RIMS3: variants seen among roughly 807,000 people sequenced by gnomAD.
RIMS3 encodes regulating synaptic membrane exocytosis protein 3.
Under a neutral mutation model 29.2 loss-of-function variants are expected in RIMS3, and 15 were observed. The ratio of observed to expected loss-of-function variants is 0.51; its 90% CI spans 0.34 to 0.79. The LOEUF (loss-of-function observed/expected upper bound fraction) is 0.79. RIMS3 is among the 30% of genes least tolerant of loss of function. RIMS3 has a pLI of 0.01. For missense variants in RIMS3, 342 were observed against 421.4 expected, an observed-to-expected ratio of 0.81 and a Z score of 1.65; for synonymous variants, 161 against 170.1, an observed-to-expected ratio of 0.95 and a Z score of 0.41.
intron 1 of RIMS3, among the ~76,000 whole-genome samples, chr1:40,651,577 G>A (rs77060218): frequency 0.025 from 3,806 of 152,206 alleles, 70 homozygotes; most frequent in Middle Eastern, 0.061. Context: ...AACTTGTTCC[G>A]TACTTGTCTC....
the RIMS3 span, among the ~76,000 whole-genome samples, chr1:40,675,810 C>T: frequency 2.7e-5 from 4 of 150,746 alleles, no homozygotes; most frequent in African/African-American, 7.3e-5. Flanking sequence ...TGCCTGTAGT[C>T]CCAGCTACTT....
rs760875656 is a variant in RIMS3, at chr1:40,626,558, G to C, written c.886C>G (p.Gln296Glu). The C allele has an allele frequency of 6.2e-7, 1 of 1,613,020 alleles. No individual in the cohort carries two copies. Among genetic ancestry groups the C allele is most frequent in the Non-Finnish European group, 8.5e-7 (1 of 1,179,608 alleles). ...CTGGTGGCACTCTCCAGGGAAGACTGGGACAGGCGCCTGGTGAGGGATCCG... is the reference window on the plus strand; with the variant it reads ...CTGGTGGCACTCTCCAGGGAAGACTCGGACAGGCGCCTGGTGAGGGATCCG... ...TLGSLTRRLS[Q>E]SSLESATSPS... Residue 296 changes from glutamine (Q) to glutamate (E), a missense_variant, in exon 8 of 8, where the codon CAG (glutamine) becomes GAG (glutamate). Physicochemically the swap from Gln to Glu is conservative, Grantham distance 29. Transcript: ENST00000372684.
At position 40,641,795 on chromosome 1, in the gene RIMS3, T is replaced by C. The variant is rs1187908220; in HGVS notation, c.131A>G (p.Lys44Arg). Residue 44 changes from lysine (K) to arginine (R), a missense_variant, in exon 3 of 8, where the codon AAG (lysine) becomes AGG (arginine). Physicochemically the swap from Lys to Arg is conservative, Grantham distance 26 (BLOSUM62 2). Transcript: ENST00000372684. ...GGGAGTTTAK[K>R]RRSSLGAKMV... Reference sequence around the variant, plus strand: ...CTTGGCACCCAGGCTGCTCCGCCGCTTCTTGGCGGTGGTGGTCCCAGCCCC... The same window carrying C: ...CTTGGCACCCAGGCTGCTCCGCCGCCTCTTGGCGGTGGTGGTCCCAGCCCC... The C allele has an allele frequency of 6.2e-7, 1 of 1,612,754 alleles. No individual in the cohort carries two copies. The highest frequency in any genetic ancestry group is 8.5e-7 in the Non-Finnish European group (1 of 1,178,818).
the RIMS3 span, among the ~76,000 whole-genome samples, chr1:40,679,447 T>C: frequency 3.3e-5 from 5 of 152,250 alleles, no homozygotes. Context: ...AAATGACTAG[T>C]GCAAATACTA....
chr1:40,684,676 C>T, the RIMS3 span, among the ~76,000 whole-genome samples: 10 of 152,150 alleles, frequency 6.6e-5, no homozygotes, highest in Admixed American at 4.6e-4. Context: ...TCTTGACAGG[C>T]GCACCCACTT....
chr1:40,634,597 T>C (rs970298747), intron 4 of RIMS3, among the ~76,000 whole-genome samples: 1 of 152,096 alleles, frequency 6.6e-6, no homozygotes, highest in Non-Finnish European at 1.5e-5. Flanking sequence ...GTTTCTCCAC[T>C]TGTAAAATGG....
the RIMS3 span, among the ~76,000 whole-genome samples, chr1:40,680,407 C>T: frequency 1.3e-5 from 2 of 149,780 alleles, no homozygotes; most frequent in Non-Finnish European, 3.0e-5. Context: ...TCTTGGCTCA[C>T]TGCAACCTCC....
intron 1 of RIMS3, among the ~76,000 whole-genome samples, chr1:40,649,403 C>T (rs1385952352): frequency 6.6e-6 from 1 of 152,192 alleles, no homozygotes; most frequent in Non-Finnish European, 1.5e-5. Context: ...TGTGTACACA[C>T]CTGCAAACAC....
chr1:40,658,850 G>A (rs538962348), intron 1 of RIMS3, among the ~76,000 whole-genome samples: 30 of 152,322 alleles, frequency 2.0e-4, no homozygotes, highest in African/African-American at 7.2e-4. Context: ...TTCTGTCCTT[G>A]TAATAAGCCC....
chr1:40,690,890 A>T, the RIMS3 span: 1 of 152,242 alleles, frequency 6.6e-6, no homozygotes, highest in Admixed American at 6.5e-5. Flanking sequence ...AGGTAATTCC[A>T]TTCAAGACAC....
Position 40,625,903 on chromosome 1 carries a change from A to G in RIMS3, c.*614T>C. 6.2e-6 allele frequency: 1 copy of G among 161,630 alleles called. No individual in the cohort carries two copies. The highest frequency in any genetic ancestry group is 1.8e-4 in the East Asian group (1 of 5,592). 10.0% of individuals were successfully genotyped at this position (161,630 alleles called of 1,614,324 possible). A position where few individuals can be genotyped will look rare whatever the true frequency, so the allele number is the denominator to read the frequency against. ...CCAGGGAGCTAGGTGGGCATGCTAC[A>G]TGCTGCAGAACGCATTCAGTGGCAG... On this transcript the variant is annotated 3_prime_UTR_variant, in exon 8 of 8. Transcript: ENST00000372684.
At position 40,626,362 on chromosome 1, in the gene RIMS3, TAC is replaced by T; in HGVS notation, c.*153_*154del. ...CACACGCACGCACACACGCACACAC[TAC>T]AGTCTCCACTGCCAGCTGGGATGAG... On this transcript the variant is annotated 3_prime_UTR_variant, in exon 8 of 8. Transcript: ENST00000372684. 5.6e-6 allele frequency: 4 copies of T among 717,446 alleles called. No homozygotes were observed. Among genetic ancestry groups the T allele is most frequent in the Non-Finnish European group, 9.8e-6 (4 of 406,918 alleles). The allele number at this position is 717,446 out of a possible 1,614,324, so 44.4% of individuals were successfully genotyped here.
chr1:40,665,795 A>G (rs1642417492), upstream of RIMS3: 1 of 152,772 alleles, frequency 6.5e-6, no homozygotes, highest in Non-Finnish European at 1.5e-5. Context: ...GCCTAGGGGA[A>G]TCCGGGGAGT....
At chr1:40,650,863 C>CAAA (rs58578342) in intron 1 of RIMS3, among the ~76,000 whole-genome samples, 2,077 of 64,476 alleles carry the variant, frequency 0.032, 410 homozygotes, top group African/African-American at 0.071. Context: ...CAGACTCTGT[C>CAAA]AAAAAAAAAA....
chr1:40,627,464 G>A (rs1324172038), intron 7 of RIMS3, among the ~76,000 whole-genome samples: 5 of 152,228 alleles, frequency 3.3e-5, no homozygotes, highest in South Asian at 2.1e-4. Flanking sequence ...TCCTGACCTC[G>A]TGATCTACCC....
chr1:40,672,363 T>C, the RIMS3 span, among the ~76,000 whole-genome samples: 1 of 152,038 alleles, frequency 6.6e-6, no homozygotes, highest in Non-Finnish European at 1.5e-5. Flanking sequence ...CACGCCCAGC[T>C]AATTTTTTGT....
chr1:40,680,805 GATCT>G, the RIMS3 span, among the ~76,000 whole-genome samples: 2 of 152,162 alleles, frequency 1.3e-5, no homozygotes, highest in African/African-American at 2.4e-5. Flanking sequence ...ATAATTTCAT[GATCT>G]ATTAATTATT....
At chr1:40,632,393 T>C (rs1242837406) in intron 5 of RIMS3, among the ~76,000 whole-genome samples, 1 of 146,226 alleles carries the variant, frequency 6.8e-6, no homozygotes, top group Non-Finnish European at 1.5e-5. Flanking sequence ...TATACGGTTT[T>C]CCATATGAAA....
At chr1:40,677,823 G>A in the RIMS3 span, among the ~76,000 whole-genome samples, 96 of 152,292 alleles carry the variant, frequency 6.3e-4, no homozygotes, top group African/African-American at 2.2e-3. Flanking sequence ...GGACCTTGAA[G>A]AAAAGTCGTG....
Sources: gnomAD v4.1 joint callset for allele counts (sites outside exome capture counted in the v4.1 genomes callset) on GRCh38, gnomAD v4.1.1 for gene constraint, MANE v1.5 for transcripts, NCBI Gene and HGNC (gene_info 2026-07-23, HGNC 2026-07-21) for gene names.